The following CACNA1C variants were observed in gnomAD, a reference collection of about 807,000 sequenced individuals.
CACNA1C encodes calcium voltage-gated channel subunit alpha1 C.
A neutral mutation model predicts 229.0 loss-of-function variants in CACNA1C; 30 were observed. That is an observed-to-expected ratio of 0.13 (90% CI 0.10 to 0.18). The LOEUF (loss-of-function observed/expected upper bound fraction) is 0.18. Among genes scored for constraint, CACNA1C ranks in the 10% least tolerant of loss-of-function variants. CACNA1C has a pLI of 1.00. For missense variants in CACNA1C, 1,658 were observed against 2,845.0 expected, an observed-to-expected ratio of 0.58 and a Z score of 9.49; for synonymous variants, 1,114 against 1,132.5, an observed-to-expected ratio of 0.98 and a Z score of 0.33.
chr12:2,112,684 A>G (rs1052847324), intron 1 of CACNA1C, among the ~76,000 whole-genome samples: 7 of 152,272 alleles, frequency 4.6e-5, no homozygotes, highest in Non-Finnish European at 1.0e-4. Flanking sequence ...GCTGGTCTCC[A>G]AGAGGACCTG....
At chr12:2,164,518 C>T (rs2096106332) in intron 3 of CACNA1C, among the ~76,000 whole-genome samples, 1 of 152,218 alleles carries the variant, frequency 6.6e-6, no homozygotes, top group South Asian at 2.1e-4. Context: ...ATGCTCATTG[C>T]CTTTACCTGT....
intron 8 of CACNA1C, among the ~76,000 whole-genome samples, chr12:2,510,112 G>T (rs1170049624): frequency 1.3e-5 from 2 of 152,142 alleles, no homozygotes; most frequent in Admixed American, 1.3e-4. Flanking sequence ...CATTGCTGGC[G>T]AGAGATGCAG....
chr12:2,678,819 C>T lies in CACNA1C; in HGVS notation c.5092-625C>T, dbSNP rs1013275957. 1.3e-5 allele frequency among the ~76,000 whole-genome samples: 2 copies of T among 152,154 alleles called. No homozygotes were observed. The highest frequency in any genetic ancestry group is 4.8e-5 in the African/African-American group (2 of 41,422). On this transcript the variant is annotated intron_variant, in intron 41 of 46. Coordinates refer to ENST00000399655, the MANE Select transcript of CACNA1C (RefSeq NM_000719.7). The surrounding 1 kb of genome is among the most constrained non-coding windows in gnomAD (Gnocchi z 4.1). ...CTCTGATGTCAAGGGTTGGAACAAC[C>T]GTGCAAATAGCTACTTGCCCACTTC...
At chr12:2,355,367 C>G (rs866198111) in intron 3 of CACNA1C, among the ~76,000 whole-genome samples, 1 of 151,070 alleles carries the variant, frequency 6.6e-6, no homozygotes, top group African/African-American at 2.5e-5. Flanking sequence ...TCCCACCCCC[C>G]CACATTTCCT....
intron 1 of CACNA1C, among the ~76,000 whole-genome samples, chr12:2,069,477 A>T (rs1398703833): frequency 6.6e-6 from 1 of 152,142 alleles, no homozygotes; most frequent in Non-Finnish European, 1.5e-5. Flanking sequence ...GAAGCAGAGG[A>T]GGAGAGAGCA....
rs559987378 is a variant in CACNA1C at position 2,330,173 on chromosome 12, C to T, written c.478-118803C>T. ...TGCATCCTCCCGCCCTCTCACCTTCCCTCCCTCTCCTTATCTCATAGAGGA... is the reference window on the plus strand; with the variant it reads ...TGCATCCTCCCGCCCTCTCACCTTCTCTCCCTCTCCTTATCTCATAGAGGA... On this transcript the variant is annotated intron_variant, in intron 3 of 46. Coordinates refer to ENST00000399655, the MANE Select transcript of CACNA1C (RefSeq NM_000719.7). Among the ~76,000 whole-genome samples the T allele has an allele frequency of 5.9e-5, 9 of 152,258 alleles. No homozygotes were observed. The South Asian group carries it at 1.9e-3, about 32-fold the overall frequency.
chr12:2,677,664 G>T lies in CACNA1C; in HGVS notation c.4957-69G>T. The stretch of plus-strand genomic sequence containing the variant: ...CCTGGAGGGACAGGTCTTGGCCCGA[G>T]GCTGTGGCTGGCTGGGGAGCTTGGA... On this transcript the variant is annotated intron_variant, in intron 40 of 46. Transcript: ENST00000399655. The surrounding 1 kb of genome is among the most constrained non-coding windows in gnomAD (Gnocchi z 7.4). 6.4e-7 allele frequency: 1 copy of T among 1,552,672 alleles called. No homozygotes were observed. The highest frequency in any genetic ancestry group is 8.7e-7 in the Non-Finnish European group (1 of 1,144,294).
intron 3 of CACNA1C, among the ~76,000 whole-genome samples, chr12:2,394,811 T>A (rs1454027673): frequency 1.3e-5 from 2 of 151,990 alleles, no homozygotes; most frequent in African/African-American, 4.8e-5. Context: ...ACCCAGTGAG[T>A]CTCGGGTAAG....
At chr12:2,652,455 C>T (rs193190847) in intron 32 of CACNA1C, among the ~76,000 whole-genome samples, 81 of 152,336 alleles carry the variant, frequency 5.3e-4, no homozygotes, top group Admixed American at 1.5e-3. Context: ...CCCAGATGAG[C>T]GCAGAACCCG....
intron 9 of CACNA1C, among the ~76,000 whole-genome samples, chr12:2,515,449 G>A (rs546754262): frequency 6.6e-6 from 1 of 152,312 alleles, no homozygotes; most frequent in East Asian, 1.9e-4. Flanking sequence ...GAGAAATCCT[G>A]CTACGTTTGA....
In CACNA1C at chr12:2,585,072, T is replaced by G. The variant is rs2061923333; in HGVS notation, c.2340-304T>G. 6.6e-6 allele frequency among the ~76,000 whole-genome samples: 1 copy of G among 152,222 alleles called. No individual in the cohort carries two copies. Among genetic ancestry groups the G allele is most frequent in the Non-Finnish European group, 1.5e-5 (1 of 68,038 alleles). ...TCCAGGCCACACAGCTGCCGGGCAC[T>G]GAGCAGAGCTCCTCCAGGAGCCAAT... On this transcript the variant is annotated intron_variant, in intron 16 of 46. Transcript: ENST00000399655. The surrounding 1 kb of genome is among the most constrained non-coding windows in gnomAD (Gnocchi z 4.1).
At chr12:2,437,434 GA>G (rs939510793) in intron 3 of CACNA1C, among the ~76,000 whole-genome samples, 9 of 152,090 alleles carry the variant, frequency 5.9e-5, no homozygotes, top group Non-Finnish European at 8.8e-5. Context: ...CAAACAATGG[GA>G]AAAAAACATT....
At chr12:2,662,017 T>C (rs990743867) in intron 34 of CACNA1C, among the ~76,000 whole-genome samples, 12 of 151,866 alleles carry the variant, frequency 7.9e-5, no homozygotes, top group Non-Finnish European at 1.0e-4. Context: ...CCAAGGCGGG[T>C]GGATCACGAG....
In CACNA1C at chr12:2,136,573, G is replaced by A. The variant is rs766068732; in HGVS notation, c.477+16143G>A. On this transcript the variant is annotated intron_variant, in intron 3 of 46. Coordinates refer to ENST00000399655, the MANE Select transcript of CACNA1C (RefSeq NM_000719.7). Reference sequence around the variant, plus strand: ...CAACTAGAGTTTATGCAGTGTGTGCGCTTCTGTCTTTACCAAGAGGACCAA... The same window carrying A: ...CAACTAGAGTTTATGCAGTGTGTGCACTTCTGTCTTTACCAAGAGGACCAA... Among the ~76,000 whole-genome samples, 10 of 151,240 alleles carry A rather than the reference G, an allele frequency of 6.6e-5. 1 individual carries two copies. The highest frequency in any genetic ancestry group is 1.2e-4 in the Non-Finnish European group (8 of 67,616).
rs117322631 is a variant in CACNA1C at position 2,041,857 on chromosome 12, G to A, written c.139+70656G>A. Among the ~76,000 whole-genome samples, 27 of 152,322 alleles carry A rather than the reference G, an allele frequency of 1.8e-4. 1 individual carries two copies. In the East Asian group the frequency reaches 4.4e-3, roughly 25 times the overall value. On this transcript the variant is annotated intron_variant, in intron 1 of 46. Transcript: ENST00000682462. ...CGGGGCTGCCGAGCCAGGACCTTAC[G>A]GGGCTGCAGCCTGTGCTGACCCAGG...
intron 3 of CACNA1C, among the ~76,000 whole-genome samples, chr12:2,278,387 T>C (rs538182088): frequency 1.3e-5 from 2 of 152,344 alleles, no homozygotes; most frequent in Non-Finnish European, 2.9e-5. Flanking sequence ...AAGTTTCCTT[T>C]TGCCCCTTTG....
chr12:2,194,430 GC>G (rs34167706), intron 3 of CACNA1C, among the ~76,000 whole-genome samples: 50,494 of 148,956 alleles, frequency 0.34, 9,021 homozygotes, highest in South Asian at 0.39. Context: ...CCTCCTCTGA[GC>G]AGCCATATTA....
intron 9 of CACNA1C, among the ~76,000 whole-genome samples, chr12:2,542,082 A>G (rs1188469393): frequency 6.6e-6 from 1 of 152,140 alleles, no homozygotes; most frequent in Non-Finnish European, 1.5e-5. Context: ...GCGGGCACCA[A>G]AGAGGATTTT....
At chr12:1,995,216 T>TA (rs80167296) in intron 1 of CACNA1C, among the ~76,000 whole-genome samples, 14 of 151,420 alleles carry the variant, frequency 9.2e-5, no homozygotes, top group South Asian at 4.2e-4. Flanking sequence ...CTTCCATAGT[T>TA]AAAAAAAAAC....
Sources: gnomAD v4.1 joint callset for allele counts (sites outside exome capture counted in the v4.1 genomes callset) on GRCh38, gnomAD v4.1.1 for gene constraint, Gnocchi (gnomAD v3.1) non-coding constraint, MANE v1.5 for transcripts, NCBI Gene and HGNC (gene_info 2026-07-23, HGNC 2026-07-21) for gene names.